RCOR1: variants seen among roughly 807,000 people sequenced by gnomAD.
RCOR1 encodes the protein REST corepressor.
RCOR1 carries 12 observed loss-of-function variants against 64.0 expected under a neutral mutation model. The ratio of observed to expected loss-of-function variants is 0.19; its 90% CI spans 0.12 to 0.30. The LOEUF (loss-of-function observed/expected upper bound fraction) is 0.30, where lower values mean the gene tolerates loss of function less well. Among genes scored for constraint, RCOR1 ranks in the 10% least tolerant of loss-of-function variants. RCOR1 has a pLI of 1.00. For synonymous variants in RCOR1, 279 were observed against 227.2 expected, an observed-to-expected ratio of 1.23 and a Z score of -2.05; for missense variants, 502 against 621.2, an observed-to-expected ratio of 0.81 and a Z score of 2.04.
intron 2 of RCOR1, among the ~76,000 whole-genome samples, chr14:102,619,566 T>A (rs958444363): frequency 2.0e-5 from 3 of 151,392 alleles, no homozygotes; most frequent in African/African-American, 4.9e-5. Context: ...CTGCAGCCTC[T>A]GCCTCCCGGG....
At chr14:102,716,515 G>A (rs1458381625) in intron 8 of RCOR1, among the ~76,000 whole-genome samples, 5 of 151,872 alleles carry the variant, frequency 3.3e-5, no homozygotes, top group African/African-American at 4.9e-5. Context: ...ATCTAGAAAT[G>A]TTTTTCTGTA....
At chr14:102,696,933 T>C (rs1895664205) in intron 3 of RCOR1, among the ~76,000 whole-genome samples, 1 of 151,994 alleles carries the variant, frequency 6.6e-6, no homozygotes, top group African/African-American at 2.4e-5. Context: ...AGTGCACTTT[T>C]CATTTTCATT....
intron 8 of RCOR1, among the ~76,000 whole-genome samples, chr14:102,716,235 T>A (rs1302150092): frequency 6.6e-6 from 1 of 152,212 alleles, no homozygotes; most frequent in African/African-American, 2.4e-5. Context: ...GTTTTTTTTC[T>A]GTCAGGTTGC....
chr14:102,602,928 A>G lies in RCOR1; in HGVS notation c.361+9603A>G, dbSNP rs557939363. Reference sequence around the variant, plus strand: ...GCCAAGTTGCCCAGACTGGTCTCCAACTCCTGGGCTCAACCAGTCCTTCTG... The same window carrying G: ...GCCAAGTTGCCCAGACTGGTCTCCAGCTCCTGGGCTCAACCAGTCCTTCTG... On this transcript the variant is annotated intron_variant, in intron 2 of 11. Transcript: ENST00000262241. Among the ~76,000 whole-genome samples, 24 of 152,172 alleles carry G rather than the reference A, an allele frequency of 1.6e-4. No individual in the cohort carries two copies. In the East Asian group the frequency reaches 3.9e-3, roughly 24 times the overall value.
chr14:102,680,002 G>A (rs1040828809), intron 2 of RCOR1, among the ~76,000 whole-genome samples: 6 of 152,120 alleles, frequency 3.9e-5, no homozygotes, highest in African/African-American at 1.2e-4. Flanking sequence ...AGAGCAGTTT[G>A]GGAAGAATGC....
intron 2 of RCOR1, among the ~76,000 whole-genome samples, chr14:102,612,606 G>A (rs577464545): frequency 6.6e-5 from 10 of 152,144 alleles, no homozygotes; most frequent in African/African-American, 1.9e-4. Context: ...AAAGTGGTGG[G>A]ATTTCAGGAG....
intron 2 of RCOR1, among the ~76,000 whole-genome samples, chr14:102,639,497 T>TTATA (rs1226238756): frequency 7.4e-6 from 1 of 135,388 alleles, no homozygotes; most frequent in East Asian, 2.1e-4. Flanking sequence ...ATTTTTTAAT[T>TTATA]TTTATTTATT....
chr14:102,698,401 A>G (rs1488642580), intron 3 of RCOR1, among the ~76,000 whole-genome samples: 1 of 152,158 alleles, frequency 6.6e-6, no homozygotes, highest in African/African-American at 2.4e-5. Flanking sequence ...TCACTTTTTC[A>G]GCCTGTGCAT....
intron 7 of RCOR1, 87 bp downstream of exon 7, chr14:102,711,100 ATATAT>A (rs774202316): frequency 1.1e-5 from 9 of 848,920 alleles, no homozygotes; most frequent in Non-Finnish European, 1.7e-5. Flanking sequence ...GTTCTACTTA[ATATAT>A]TAAGTGCTAT....
At chr14:102,607,105 G>A (rs982759203) in intron 2 of RCOR1, among the ~76,000 whole-genome samples, 7 of 151,922 alleles carry the variant, frequency 4.6e-5, no homozygotes, top group South Asian at 2.1e-4. Flanking sequence ...GGCTGATTTT[G>A]TATTTTTAGT....
At chr14:102,649,112 A>G (rs1460141065) in intron 2 of RCOR1, among the ~76,000 whole-genome samples, 1 of 152,180 alleles carries the variant, frequency 6.6e-6, no homozygotes, top group Non-Finnish European at 1.5e-5. Flanking sequence ...AATCACACAT[A>G]ATCACACCAC....
chr14:102,629,843 C>A (rs1369706859), intron 2 of RCOR1, among the ~76,000 whole-genome samples: 1 of 152,136 alleles, frequency 6.6e-6, no homozygotes, highest in African/African-American at 2.4e-5. Flanking sequence ...GTCATCATCC[C>A]CTTTGTACAG....
intron 2 of RCOR1, among the ~76,000 whole-genome samples, chr14:102,610,310 C>A (rs1233301705): frequency 1.3e-5 from 2 of 152,014 alleles, no homozygotes; most frequent in African/African-American, 4.8e-5. Flanking sequence ...TAGAGCTGTG[C>A]TGTCCAATAG....
chr14:102,608,542 C>T (rs542396643), intron 2 of RCOR1, among the ~76,000 whole-genome samples: 1 of 152,228 alleles, frequency 6.6e-6, no homozygotes, highest in East Asian at 1.9e-4. Context: ...TCAAGCGATT[C>T]TCCTGCCTCA....
chr14:102,702,071 T>C (rs1895767302), intron 4 of RCOR1, among the ~76,000 whole-genome samples: 1 of 152,218 alleles, frequency 6.6e-6, no homozygotes, highest in African/African-American at 2.4e-5. Flanking sequence ...TAATGATTTA[T>C]TTTAAACACA....
chr14:102,649,907 T>C (rs1595212092), intron 2 of RCOR1: 1 of 508,024 alleles, frequency 2.0e-6, no homozygotes. Flanking sequence ...TAAAGAATCA[T>C]AGTGGCCTTG....
intron 2 of RCOR1, among the ~76,000 whole-genome samples, chr14:102,596,000 A>G (rs1595186225): frequency 1.3e-5 from 2 of 152,182 alleles, no homozygotes; most frequent in African/African-American, 4.8e-5. Context: ...ATGGCAGAAA[A>G]TTGAGACTTT....
intron 2 of RCOR1, among the ~76,000 whole-genome samples, chr14:102,598,373 T>C (rs1016402778): frequency 7.2e-5 from 11 of 152,148 alleles, no homozygotes; most frequent in African/African-American, 2.7e-4. Context: ...CAAAGGAAGA[T>C]TTAATTCTGT....
intron 2 of RCOR1, among the ~76,000 whole-genome samples, chr14:102,616,679 G>A (rs139744494): frequency 6.6e-6 from 1 of 152,162 alleles, no homozygotes; most frequent in East Asian, 1.9e-4. Flanking sequence ...CTTGGAGTTG[G>A]GATGGGCCAC....
Sources: gnomAD v4.1 joint callset for allele counts (sites outside exome capture counted in the v4.1 genomes callset) on GRCh38, gnomAD v4.1.1 for gene constraint, MANE v1.5 for transcripts, NCBI Gene and HGNC (gene_info 2026-07-23, HGNC 2026-07-21) for gene names.